Variants in TMTC2 observed in about 807,000 individuals in gnomAD.
The protein encoded by TMTC2 is transmembrane O-mannosyltransferase targeting cadherins 2, also known as protein O-mannosyl-transferase TMTC2.
A neutral mutation model predicts 82.4 loss-of-function variants in TMTC2; 43 were observed. The ratio of observed to expected loss-of-function variants is 0.52; its 90% CI spans 0.41 to 0.67. The LOEUF is 0.67. Ranked by LOEUF, TMTC2 falls within the 30% of genes least tolerant of loss-of-function variation. The pLI, the probability that TMTC2 is intolerant of heterozygous loss-of-function variation, is 0.00. For synonymous variants in TMTC2, 408 were observed against 381.9 expected (o/e 1.07, Z -0.80); for missense variants, 919 against 1,012.4 (o/e 0.91, Z 1.25).
intron 8 of TMTC2, among the ~76,000 whole-genome samples, chr12:83,019,367 T>G (rs1463990652): frequency 6.6e-6 from 1 of 152,176 alleles, no homozygotes; most frequent in Non-Finnish European, 1.5e-5. Flanking sequence ...TTCTTCTGGC[T>G]TCCATACCTG....
At position 82,834,887 on chromosome 12, in the gene TMTC2, T is replaced by A. The variant is rs187624776; in HGVS notation, c.84-22123T>A. The stretch of plus-strand genomic sequence containing the variant: ...AGATATTTATCATCATTTTATTATT[T>A]TTTTTTTTGAGATGCAATCTTGCCC... On this transcript the variant is annotated intron_variant, in intron 1 of 11. Coordinates refer to ENST00000321196, the MANE Select transcript of TMTC2 (RefSeq NM_152588.3). 7.3e-3 allele frequency among the ~76,000 whole-genome samples: 1,117 copies of A among 152,174 alleles called. 11 individuals carry two copies. Among genetic ancestry groups the A allele is most frequent in the Non-Finnish European group, 9.4e-3 (637 of 68,006 alleles).
At chr12:82,959,081 C>G (rs1877773837) in intron 4 of TMTC2, among the ~76,000 whole-genome samples, 1 of 151,962 alleles carries the variant, frequency 6.6e-6, no homozygotes, top group South Asian at 2.1e-4. Context: ...TTTACAATAG[C>G]CATATACACA....
At chr12:82,763,158 C>G (rs1291239090) in intron 1 of TMTC2, among the ~76,000 whole-genome samples, 5 of 142,842 alleles carry the variant, frequency 3.5e-5, no homozygotes, top group Admixed American at 7.1e-5. Flanking sequence ...GTAAAGCAGA[C>G]AAAGTTAAAC....
At chr12:82,929,526 A>T (rs1294800921) in intron 3 of TMTC2, among the ~76,000 whole-genome samples, 1 of 152,138 alleles carries the variant, frequency 6.6e-6, no homozygotes, top group African/African-American at 2.4e-5. Context: ...CTTTTTTTGC[A>T]TTAAAATTGA....
At chr12:82,817,172 T>C (rs1485574460) in intron 1 of TMTC2, among the ~76,000 whole-genome samples, 1 of 151,996 alleles carries the variant, frequency 6.6e-6, no homozygotes, top group African/African-American at 2.4e-5. Flanking sequence ...TTTCACCATG[T>C]TGGCCACGCT....
intron 1 of TMTC2, among the ~76,000 whole-genome samples, chr12:82,712,462 G>C (rs1159002850): frequency 6.9e-6 from 1 of 145,814 alleles, no homozygotes; most frequent in Non-Finnish European, 1.5e-5. Context: ...CCACCTCACA[G>C]AGTTGATGGC....
chr12:82,943,120 T>G (rs1876813792), intron 4 of TMTC2, among the ~76,000 whole-genome samples: 1 of 152,152 alleles, frequency 6.6e-6, no homozygotes, highest in Non-Finnish European at 1.5e-5. Context: ...TCTGTGTCAG[T>G]GTTTTTAAGA....
intron 1 of TMTC2, among the ~76,000 whole-genome samples, chr12:82,819,950 G>A (rs1017295144): frequency 1.3e-5 from 2 of 152,140 alleles, no homozygotes; most frequent in Non-Finnish European, 2.9e-5. Context: ...TGCAAACTGA[G>A]GAGCAAGGAA....
At chr12:83,037,634 T>C (rs1881715464) in intron 9 of TMTC2, among the ~76,000 whole-genome samples, 2 of 152,142 alleles carry the variant, frequency 1.3e-5, no homozygotes, top group Admixed American at 6.6e-5. Flanking sequence ...TCACTTGTGA[T>C]TTTTTTATTT....
At chr12:83,116,107 A>G (rs1258136710) in intron 11 of TMTC2, among the ~76,000 whole-genome samples, 1 of 152,050 alleles carries the variant, frequency 6.6e-6, no homozygotes, top group Non-Finnish European at 1.5e-5. Flanking sequence ...CCTGAAGTCC[A>G]TTGTGTCATT....
At chr12:83,096,213 G>A (rs1281842952) in intron 11 of TMTC2, among the ~76,000 whole-genome samples, 1 of 152,220 alleles carries the variant, frequency 6.6e-6, no homozygotes, top group African/African-American at 2.4e-5. Context: ...CAAAATATAT[G>A]TGGTATTATC....
At chr12:83,027,136 C>T (rs977150511) in intron 8 of TMTC2, among the ~76,000 whole-genome samples, 2 of 151,890 alleles carry the variant, frequency 1.3e-5, no homozygotes, top group African/African-American at 2.4e-5. Context: ...GACATGTCAA[C>T]CAGTAAACAA....
chr12:82,907,842 G>A (rs189005549), intron 3 of TMTC2, among the ~76,000 whole-genome samples: 16 of 152,164 alleles, frequency 1.1e-4, no homozygotes, highest in East Asian at 5.8e-4. Flanking sequence ...GGCCAGGCGC[G>A]GTGGCTCATG....
Position 83,112,182 on chromosome 12 carries a change from T to C in TMTC2, c.2332-20028T>C, listed in dbSNP as rs73135823. On this transcript the variant is annotated intron_variant, in intron 11 of 11. Transcript: ENST00000321196. ...TTTTTATTCCATTTTTATAAATTTC[T>C]TTTTTGGCTCCCCTAAATCCTATTT... Among the ~76,000 whole-genome samples the C allele has an allele frequency of 5.2e-3, 795 of 152,306 alleles. 1 individual carries two copies. The highest frequency in any genetic ancestry group is 9.0e-3 in the Non-Finnish European group (610 of 68,024).
chr12:82,925,838 T>C lies in TMTC2; in HGVS notation c.1484-4593T>C, dbSNP rs938380078. Reference sequence around the variant, plus strand: ...TATTGAAATTAGGCTAATTTTCCAATGGCCTTGAAGTGAAAGGAAGAGTGG... The same window carrying C: ...TATTGAAATTAGGCTAATTTTCCAACGGCCTTGAAGTGAAAGGAAGAGTGG... On this transcript the variant is annotated intron_variant, in intron 3 of 11. Transcript: ENST00000321196. Among the ~76,000 whole-genome samples, 3 of 152,156 alleles carry C rather than the reference T, an allele frequency of 2.0e-5. No homozygotes were observed. The East Asian group carries it at 5.8e-4, about 29-fold the overall frequency.
rs118028220 is a variant in TMTC2, at chr12:83,118,707, G to A, written c.2332-13503G>A. Among the ~76,000 whole-genome samples, 118 of 151,864 alleles carry A rather than the reference G, an allele frequency of 7.8e-4. No individual in the cohort carries two copies. In the East Asian group the frequency reaches 0.016, roughly 20 times the overall value. The stretch of plus-strand genomic sequence containing the variant: ...TCATAGAATGAATTAAGGAGGCTTC[G>A]CTCTTTCTCTATCTAGTGTCAATAG... On this transcript the variant is annotated intron_variant, in intron 11 of 11. Coordinates refer to ENST00000321196, the MANE Select transcript of TMTC2 (RefSeq NM_152588.3).
rs1884333008 is a variant in TMTC2, at chr12:83,104,504, A to G, written c.2332-27706A>G. On this transcript the variant is annotated intron_variant, in intron 11 of 11. Transcript: ENST00000321196. ...GGCTTAACATTATGTGGAAGCTGCC[A>G]AAACTTACAGCTTGCATTTGCCAAA... Among the ~76,000 whole-genome samples, 3 of 152,200 alleles carry G rather than the reference A, an allele frequency of 2.0e-5. No homozygotes were observed. In the South Asian group the frequency reaches 6.2e-4, roughly 32 times the overall value.
chr12:82,851,562 A>G (rs1486105254), intron 1 of TMTC2, among the ~76,000 whole-genome samples: 1 of 152,168 alleles, frequency 6.6e-6, no homozygotes, highest in East Asian at 1.9e-4. Context: ...AGGTACAGAG[A>G]GGTGAAATAA....
At chr12:82,843,367 G>A (rs1380638527) in intron 1 of TMTC2, among the ~76,000 whole-genome samples, 2 of 152,034 alleles carry the variant, frequency 1.3e-5, no homozygotes, top group East Asian at 1.9e-4. Context: ...GATTACAGGC[G>A]TGAGCCACCA....
Sources: allele counts gnomAD v4.1 joint callset (sites outside exome capture counted in the v4.1 genomes callset), GRCh38; gene constraint gnomAD v4.1.1; transcripts MANE v1.5; gene names NCBI Gene and HGNC (gene_info 2026-07-23, HGNC 2026-07-21).